Variants in TRIM14 observed in about 807,000 individuals in gnomAD.
The protein encoded by TRIM14 is tripartite motif-containing protein 14.
Under a neutral mutation model 44.5 loss-of-function variants are expected in TRIM14, and 28 were observed. That is an observed-to-expected ratio of 0.63 (90% CI 0.47 to 0.86). TRIM14 has a LOEUF of 0.86. Among genes scored for constraint, TRIM14 ranks in the 40% least tolerant of loss-of-function variants. The pLI, the probability that TRIM14 is intolerant of heterozygous loss-of-function variation, is 0.00. For synonymous variants in TRIM14, 299 were observed against 269.2 expected (o/e 1.11, Z -1.08); for missense variants, 607 against 611.1 (o/e 0.99, Z 0.07).
chr9:98,102,995 G>T (rs1336517135), intron 2 of TRIM14, among the ~76,000 whole-genome samples: 3 of 152,084 alleles, frequency 2.0e-5, no homozygotes, highest in Non-Finnish European at 4.4e-5. Context: ...GACCAGCCTG[G>T]CCAAGATGGT....
chr9:98,064,724 G>T (rs140836250), downstream of TRIM14, among the ~76,000 whole-genome samples: 652 of 152,322 alleles, frequency 4.3e-3, 8 homozygotes, highest in African/African-American at 0.014. Flanking sequence ...AAAGGTAGCA[G>T]ATCTGATGCC....
At chr9:98,071,857 C>G (rs1829349842) in intron 6 of TRIM14, among the ~76,000 whole-genome samples, 1 of 152,256 alleles carries the variant, frequency 6.6e-6, no homozygotes, top group Non-Finnish European at 1.5e-5. Context: ...GCTCCCTGAG[C>G]TCCTGGATCT....
At chr9:98,070,787 G>T (rs1002630398) in intron 6 of TRIM14, among the ~76,000 whole-genome samples, 5 of 150,438 alleles carry the variant, frequency 3.3e-5, no homozygotes, top group African/African-American at 9.9e-5. Flanking sequence ...AAATAAAAAA[G>T]ATCTGCAGAC....
chr9:98,107,744 G>A (rs1280925166), intron 2 of TRIM14, among the ~76,000 whole-genome samples: 2 of 151,952 alleles, frequency 1.3e-5, no homozygotes, highest in African/African-American at 2.4e-5. Context: ...TTGGCTCACT[G>A]CAACCTCCAC....
chr9:98,105,831 G>A (rs897774777), intron 2 of TRIM14, among the ~76,000 whole-genome samples: 4 of 152,140 alleles, frequency 2.6e-5, no homozygotes, highest in African/African-American at 9.7e-5. Flanking sequence ...GATCCACAAA[G>A]AGCTGCTCCA....
At chr9:98,067,076 A>G (rs1211140558), downstream of TRIM14, among the ~76,000 whole-genome samples, 4 of 152,204 alleles carry the variant, frequency 2.6e-5, no homozygotes, top group South Asian at 4.1e-4. Flanking sequence ...GTTGTAGCAT[A>G]TATCAGTACT....
chr9:98,119,141 A>G lies in TRIM14; in HGVS notation c.48T>C (p.Leu16=). The change falls in exon 1 of 6, where the codon CTT becomes CTC. Residue 16 remains leucine (L), a synonymous_variant. Coordinates refer to ENST00000341469, the MANE Select transcript of TRIM14 (RefSeq NM_014788.4). ...GGCAGCGCCAGCCGCATCCCTCGAC[A>G]AGCTCCGACCTCCCAGGGGTCCGGC... ...TGSRTPGRSE[L]VEGCGWRCPE... 1 of 1,586,160 alleles carries G rather than the reference A, an allele frequency of 6.3e-7. No individual in the cohort carries two copies. The highest frequency in any genetic ancestry group is 8.5e-7 in the Non-Finnish European group (1 of 1,175,532).
At chr9:98,078,292 A>G (rs747283768) in intron 6 of TRIM14, 1 of 1,613,968 alleles carries the variant, frequency 6.2e-7, no homozygotes, top group Non-Finnish European at 8.5e-7. Flanking sequence ...TGCTTCTTGC[A>G]GTGTACCAGC....
At chr9:98,037,942 C>T in the TRIM14 span, among the ~76,000 whole-genome samples, 63 of 152,306 alleles carry the variant, frequency 4.1e-4, 1 homozygote, top group East Asian at 0.012. Flanking sequence ...GTTGCCCAGG[C>T]TGGCCTCTAA....
At chr9:98,083,970 G>GAGAT (rs1440407609), downstream of TRIM14, among the ~76,000 whole-genome samples, 1 of 152,216 alleles carries the variant, frequency 6.6e-6, no homozygotes, top group African/African-American at 2.4e-5. Flanking sequence ...CCCATCCCTG[G>GAGAT]AGATAGTTAA....
chr9:98,096,357 C>T (rs1826186206), intron 3 of TRIM14, among the ~76,000 whole-genome samples: 1 of 152,092 alleles, frequency 6.6e-6, no homozygotes, highest in African/African-American at 2.4e-5. Context: ...GGAGACCAAG[C>T]ACTAGCAGGA....
At chr9:98,082,738 C>A, downstream of TRIM14, 1 of 1,040,224 alleles carries the variant, frequency 9.6e-7, no homozygotes, top group Non-Finnish European at 1.4e-6. Flanking sequence ...GTGCCTGCTC[C>A]CAAGGTACTG....
intron 2 of TRIM14, among the ~76,000 whole-genome samples, chr9:98,107,222 GT>G (rs1826647937): frequency 6.6e-6 from 1 of 152,152 alleles, no homozygotes; most frequent in African/African-American, 2.4e-5. Context: ...CTGGAAAAGC[GT>G]TTGGCAGTTT....
chr9:98,102,292 C>T (rs746416346), intron 2 of TRIM14, among the ~76,000 whole-genome samples: 1 of 152,192 alleles, frequency 6.6e-6, no homozygotes, highest in Non-Finnish European at 1.5e-5. Flanking sequence ...ACCCATTGCT[C>T]CCTTTCAATG....
At chr9:98,075,406 G>A (rs1217419642) in intron 6 of TRIM14, 1 of 146,582 alleles carries the variant, frequency 6.8e-6, no homozygotes, top group African/African-American at 2.5e-5. Context: ...AGGGAGGGAG[G>A]AAGGAAAGGG....
intron 6 of TRIM14, among the ~76,000 whole-genome samples, chr9:98,071,401 G>A (rs1564160452): frequency 6.6e-6 from 1 of 152,226 alleles, no homozygotes; most frequent in Non-Finnish European, 1.5e-5. Flanking sequence ...GTTATTTTTG[G>A]TATATCCATG....
the TRIM14 span, chr9:98,056,914 G>T: frequency 6.2e-7 from 1 of 1,608,778 alleles, no homozygotes; most frequent in Non-Finnish European, 8.5e-7. Flanking sequence ...CCTGGACGTA[G>T]CCAAGCGCAT....
At position 98,101,977 on chromosome 9, in the gene TRIM14, C is replaced by A. The variant is rs1278444513; in HGVS notation, c.304-1813G>T. Among the ~76,000 whole-genome samples, 2 of 144,764 alleles carry A rather than the reference C, an allele frequency of 1.4e-5. 1 individual carries two copies. Among genetic ancestry groups the A allele is most frequent in the Admixed American group, 1.4e-4 (2 of 14,228 alleles). 95.0% of individuals were successfully genotyped at this position (144,764 alleles called of 152,430 possible). ...GAGCTGAGATCAGGCCGCTGCACCC[C>A]AGCCTGGGCGACAATGCAAGACTTT... On this transcript the variant is annotated intron_variant, in intron 2 of 5. Transcript: ENST00000341469.
downstream of TRIM14, among the ~76,000 whole-genome samples, chr9:98,066,711 T>C (rs1380910511): frequency 6.6e-6 from 1 of 151,440 alleles, no homozygotes; most frequent in Non-Finnish European, 1.5e-5. Context: ...AGTGCAGTGG[T>C]AGGATCTTGG....
Sources: allele counts gnomAD v4.1 joint callset (sites outside exome capture counted in the v4.1 genomes callset), GRCh38; gene constraint gnomAD v4.1.1; transcripts MANE v1.5; gene names NCBI Gene and HGNC (gene_info 2026-07-23, HGNC 2026-07-21).